The following HTR2B variants were observed in gnomAD, a reference collection of about 807,000 sequenced individuals.
HTR2B encodes 5-HT 2B receptor.
In HTR2B, 31 loss-of-function variants were observed where a neutral mutation model predicts 39.8. The ratio of observed to expected loss-of-function variants is 0.78; its 90% CI spans 0.58 to 1.05. The LOEUF (loss-of-function observed/expected upper bound fraction) is 1.05, where lower values mean the gene tolerates loss of function less well. Ranked by LOEUF, HTR2B falls within the 50% of genes least tolerant of loss-of-function variation. The pLI is 0.00. For synonymous variants in HTR2B, 210 were observed against 207.1 expected (o/e 1.01, Z -0.12); for missense variants, 562 against 578.0 (o/e 0.97, Z 0.28).
rs539039682 is a variant in HTR2B, at chr2:231,112,914, C to T, written c.553+815G>A. On this transcript the variant is annotated intron_variant, in intron 3 of 3. Transcript: ENST00000258400. ...GTGCAGTGACTCACGCCTGTAATCCCAGCACTTTGGGAGGCTGGGGCAGGG... is the reference window on the plus strand; with the variant it reads ...GTGCAGTGACTCACGCCTGTAATCCTAGCACTTTGGGAGGCTGGGGCAGGG... Among the ~76,000 whole-genome samples the T allele has an allele frequency of 4.6e-5, 7 of 152,242 alleles. No homozygotes were observed. The East Asian group carries it at 1.4e-3, about 29-fold the overall frequency.
chr2:231,118,861 G>A (rs968040334), intron 2 of HTR2B, among the ~76,000 whole-genome samples: 2 of 152,196 alleles, frequency 1.3e-5, no homozygotes, highest in Admixed American at 6.5e-5. Flanking sequence ...GAGGTACTCA[G>A]TTCATGAACT....
chr2:231,112,023 A>G (rs927820452), intron 3 of HTR2B, among the ~76,000 whole-genome samples: 7 of 152,328 alleles, frequency 4.6e-5, no homozygotes, highest in Middle Eastern at 3.4e-3. Flanking sequence ...GATGCCATTT[A>G]TACCAGCAGG....
At position 231,109,054 on chromosome 2, in the gene HTR2B, T is replaced by C; in HGVS notation, c.909A>G (p.Arg303=). 7 of 1,614,252 alleles carry C rather than the reference T, an allele frequency of 4.3e-6. No individual in the cohort carries two copies. Among genetic ancestry groups the C allele is most frequent in the Non-Finnish European group, 5.9e-6 (7 of 1,180,036 alleles). Residue 303 remains arginine, a synonymous_variant, in exon 4 of 4, where the codon CGA becomes CGG. Coordinates refer to ENST00000258400, the MANE Select transcript of HTR2B (RefSeq NM_000867.5). ...LPNSGDETLM[R]RTSTIGKKSV... ...ACTTTTTCCCAATTGTGGATGTTCT[T>C]CGCATAAGTGTTTCATCACCTGAGT...
chr2:231,114,056 A>G (rs1695250966), intron 2 of HTR2B, 127 bp from the exon 3 acceptor site: 5 of 737,948 alleles, frequency 6.8e-6, no homozygotes. Context: ...CTTTAACAAC[A>G]TAATGTTTAA....
rs761682358 is a variant in HTR2B, at chr2:231,109,191, G to A, written c.772C>T (p.Arg258Cys). 3.5e-5 allele frequency: 56 copies of A among 1,614,070 alleles called. No individual in the cohort carries two copies. Among genetic ancestry groups the A allele is most frequent in the Admixed American group, 3.2e-4 (19 of 59,992 alleles). The change falls in exon 4 of 4, where the codon CGC (arginine) becomes TGC (cysteine). Residue 258 changes from arginine to cysteine, a missense_variant. Physicochemically the swap from Arg to Cys is radical, Grantham distance 180. Transcript: ENST00000258400. Reference sequence around the variant, plus strand: ...GTAGACACAGTCAACCATGTTAGGCGTTGAGGTGGCTTGTTTTTGACTAAG... The same window carrying A: ...GTAGACACAGTCAACCATGTTAGGCATTGAGGTGGCTTGTTTTTGACTAAG... Reference protein sequence around the residue: ...AYLVKNKPPQRLTWLTVSTVF... With the variant: ...AYLVKNKPPQCLTWLTVSTVF...
chr2:231,112,127 G>T (rs1360219892), intron 3 of HTR2B, among the ~76,000 whole-genome samples: 2 of 151,476 alleles, frequency 1.3e-5, no homozygotes, highest in Non-Finnish European at 1.5e-5. Context: ...CCCTTTCTCT[G>T]TCCAACTCTC....
intron 2 of HTR2B, among the ~76,000 whole-genome samples, chr2:231,119,388 A>AT (rs565018716): frequency 6.6e-6 from 1 of 152,146 alleles, no homozygotes; most frequent in Non-Finnish European, 1.5e-5. Flanking sequence ...TGACAAGGTG[A>AT]TTGAGCTCTG....
intron 2 of HTR2B, among the ~76,000 whole-genome samples, chr2:231,121,000 C>T (rs1218102077): frequency 6.6e-6 from 1 of 152,188 alleles, no homozygotes; most frequent in African/African-American, 2.4e-5. Context: ...ATTTGTAATA[C>T]ATGCAGTTCC....
chr2:231,114,103 C>T (rs1695252513), intron 2 of HTR2B, among the ~76,000 whole-genome samples, 174 bp from the exon 3 acceptor site: 2 of 152,150 alleles, frequency 1.3e-5, no homozygotes, highest in Admixed American at 1.3e-4. Context: ...TTCAATATTT[C>T]TGTGGATGGT....
At position 231,123,510 on chromosome 2, in the gene HTR2B, C is replaced by T. The variant is rs1695622271; in HGVS notation, c.255G>A (p.Leu85=). The stretch of plus-strand genomic sequence containing the variant: ...TTAGAAAGTAATTAGTAGCATACTG[C>T]AGCTTCTTCTCCAGTGAAACAGCCA... ...VILAVSLEKK[L]QYATNYFLMS... Residue 85 remains leucine (L), a synonymous_variant, in exon 2 of 4, where the codon CTG becomes CTA. Coordinates refer to ENST00000258400, the MANE Select transcript of HTR2B (RefSeq NM_000867.5). The T allele has an allele frequency of 6.2e-7, 1 of 1,614,050 alleles. No homozygotes were observed. The highest frequency in any genetic ancestry group is 8.5e-7 in the Non-Finnish European group (1 of 1,179,906).
chr2:231,113,869 A>G lies in HTR2B; in HGVS notation c.413T>C (p.Phe138Ser), dbSNP rs777732759. Reference protein sequence around the residue: ...CPAWLFLDVLFSTASIMHLCA... With the variant: ...CPAWLFLDVLSSTASIMHLCA... ...GAGATGCATGATGGATGCGGTTGAA[A>G]AGAGAACGTCAAGAAATAACCAGGC... Residue 138 changes from phenylalanine (F) to serine (S), a missense_variant, in exon 3 of 4, where the codon TTT becomes TCT. Transcript: ENST00000258400. 1.2e-6 allele frequency: 2 copies of G among 1,614,192 alleles called. No individual in the cohort carries two copies. The highest frequency in any genetic ancestry group is 1.7e-6 in the Non-Finnish European group (2 of 1,180,006).
chr2:231,109,227 T>A lies in HTR2B; in HGVS notation c.736A>T (p.Lys246Ter), dbSNP rs564438017. The A allele has an allele frequency of 1.4e-4, 232 of 1,614,182 alleles. 1 individual carries two copies. The South Asian group carries it at 2.0e-3, about 14-fold the overall frequency. The change falls in exon 4 of 4, where the codon AAG (lysine) becomes TAG (stop). Residue 246 changes from lysine to a stop codon, truncating the protein, a stop_gained. Coordinates refer to ENST00000258400, the MANE Select transcript of HTR2B (RefSeq NM_000867.5). LOFTEE classifies it high-confidence loss of function. The part of the protein sequence containing the change: ...TYFLTIHALQ[K>*]KAYLVKNKPP... ...TTGTTTTTGACTAAGTAAGCCTTCTTCTGTAAAGCATGGATAGTGAGAAAG... is the reference window on the plus strand; with the variant it reads ...TTGTTTTTGACTAAGTAAGCCTTCTACTGTAAAGCATGGATAGTGAGAAAG...
Position 231,123,426 on chromosome 2 carries a change from C to T in HTR2B, c.339G>A (p.Leu113=), listed in dbSNP as rs369745180. 2.5e-6 allele frequency: 4 copies of T among 1,613,150 alleles called. No homozygotes were observed. The African/African-American group carries it at 4.0e-5, about 16-fold the overall frequency. Reference sequence around the variant, plus strand: ...TGAAATACTTACCAAACATTATTGTCAAGAGGGCAATTGGCATCACAAACA... The same window carrying T: ...TGAAATACTTACCAAACATTATTGTTAAGAGGGCAATTGGCATCACAAACA... ...VGLFVMPIAL[L]TIMFEAMWPL... is the part of the protein sequence containing the mutation. Residue 113 remains leucine (L), a synonymous_variant, in exon 2 of 4, where the codon TTG becomes TTA. Transcript: ENST00000258400.
intron 2 of HTR2B, among the ~76,000 whole-genome samples, chr2:231,118,474 A>T (rs1415138988): frequency 6.6e-6 from 1 of 152,142 alleles, no homozygotes; most frequent in Non-Finnish European, 1.5e-5. Flanking sequence ...TTTGTCATAA[A>T]AGTATGTTTT....
intron 2 of HTR2B, among the ~76,000 whole-genome samples, chr2:231,116,575 A>G (rs1695341430): frequency 6.6e-6 from 1 of 152,084 alleles, no homozygotes; most frequent in African/African-American, 2.4e-5. Flanking sequence ...GAAAATTCAT[A>G]TAAAAAGTAC....
Position 231,123,477 on chromosome 2 carries a change from C to CA in HTR2B, c.287dup (p.Leu96PhefsTer5). The CA allele has an allele frequency of 6.2e-7, 1 of 1,614,048 alleles. No individual in the cohort carries two copies. On this transcript the variant is annotated frameshift_variant, in exon 2 of 4. Coordinates refer to ENST00000258400, the MANE Select transcript of HTR2B (RefSeq NM_000867.5). LOFTEE classifies it high-confidence loss of function. ...ATCCAACCAGCAAATCAGCCACCGC[C>CA]AAGGACATTAGAAAGTAATTAGTAG...
At chr2:231,123,080 G>A (rs1695601440) in intron 2 of HTR2B, among the ~76,000 whole-genome samples, 1 of 152,074 alleles carries the variant, frequency 6.6e-6, no homozygotes, top group Non-Finnish European at 1.5e-5. Flanking sequence ...AAGTATCAGT[G>A]TAGAAAAGTT....
chr2:231,111,018 ATACT>A (rs1361868924), intron 3 of HTR2B, among the ~76,000 whole-genome samples: 1 of 152,186 alleles, frequency 6.6e-6, no homozygotes, highest in African/African-American at 2.4e-5. Context: ...TATCTACTTA[ATACT>A]TTCTTCTCCA....
chr2:231,119,625 C>CT (rs969527247), intron 2 of HTR2B, among the ~76,000 whole-genome samples: 14 of 152,090 alleles, frequency 9.2e-5, no homozygotes, highest in African/African-American at 2.7e-4. Context: ...AATCCCAACA[C>CT]TTTGGGAGGC....
Sources: allele counts gnomAD v4.1 joint callset (sites outside exome capture counted in the v4.1 genomes callset), GRCh38; gene constraint gnomAD v4.1.1; transcripts MANE v1.5; gene names NCBI Gene and HGNC (gene_info 2026-07-23, HGNC 2026-07-21).